P4HA1: variants seen among roughly 807,000 people sequenced by gnomAD.
The protein encoded by P4HA1 is prolyl 4-hydroxylase subunit alpha-1.
A neutral mutation model predicts 72.8 loss-of-function variants in P4HA1; 24 were observed. The observed-to-expected ratio is 0.33, with a 90% CI of 0.24 to 0.46. The LOEUF (loss-of-function observed/expected upper bound fraction) is 0.46. Among genes scored for constraint, P4HA1 ranks in the 20% least tolerant of loss-of-function variants. P4HA1 has a pLI of 1.00. For synonymous variants in P4HA1, 201 were observed against 218.8 expected, an observed-to-expected ratio of 0.92 and a Z score of 0.72; for missense variants, 446 against 640.6, an observed-to-expected ratio of 0.70 and a Z score of 3.28.
At chr10:73,043,689 G>A (rs11000497) in intron 9 of P4HA1, among the ~76,000 whole-genome samples, 1,589 of 152,212 alleles carry the variant, frequency 0.01, 26 homozygotes, top group African/African-American at 0.033. Context: ...GTAAGTTAAT[G>A]TTACTTTGGA....
At chr10:73,091,714 C>CAAAG (rs1473434773) in intron 1 of P4HA1, among the ~76,000 whole-genome samples, 1 of 152,078 alleles carries the variant, frequency 6.6e-6, no homozygotes, top group Non-Finnish European at 1.5e-5. Flanking sequence ...TTCCAAAAAT[C>CAAAG]AAAGAGCTTT....
intron 10 of P4HA1, among the ~76,000 whole-genome samples, chr10:73,017,176 TATAG>T (rs1840025878): frequency 1.4e-5 from 2 of 142,524 alleles, no homozygotes; most frequent in Non-Finnish European, 3.0e-5. Flanking sequence ...CAGATGTATA[TATAG>T]ATATCTATAT....
At chr10:73,079,481 C>T (rs750937187) in intron 1 of P4HA1, among the ~76,000 whole-genome samples, 7 of 152,170 alleles carry the variant, frequency 4.6e-5, no homozygotes, top group Non-Finnish European at 8.8e-5. Flanking sequence ...GTGGCTCACG[C>T]CTGTAATCCC....
chr10:73,052,409 C>T (rs996269117), intron 6 of P4HA1, among the ~76,000 whole-genome samples: 10 of 152,082 alleles, frequency 6.6e-5, no homozygotes, highest in African/African-American at 1.9e-4. Flanking sequence ...AGGGAAGAGG[C>T]GTATACACTA....
chr10:73,041,547 C>CAAAA lies in P4HA1; in HGVS notation c.1148+3433_1148+3434insTTTT, dbSNP rs1330460920. ...GACAGAGCAAGACTCCATCCCCCCC[C>CAAAA]CAAAAAAAAAAAAAAAGAATTCTCT... is the stretch of plus-strand genomic sequence containing the variant. On this transcript the variant is annotated intron_variant, in intron 9 of 14. Transcript: ENST00000394890. 5.3e-3 allele frequency among the ~76,000 whole-genome samples: 776 copies of CAAAA among 146,674 alleles called. 11 individuals are homozygous for CAAAA. Among genetic ancestry groups the CAAAA allele is most frequent in the Middle Eastern group, 0.014 (4 of 290 alleles).
chr10:73,063,381 C>T (rs1354656326), intron 5 of P4HA1, among the ~76,000 whole-genome samples: 2 of 152,144 alleles, frequency 1.3e-5, no homozygotes, highest in Non-Finnish European at 2.9e-5. Flanking sequence ...TCATAAGGGC[C>T]TTAAATCCCA....
At chr10:73,058,403 G>T (rs185534935) in intron 5 of P4HA1, among the ~76,000 whole-genome samples, 1 of 152,220 alleles carries the variant, frequency 6.6e-6, no homozygotes, top group Non-Finnish European at 1.5e-5. Flanking sequence ...TGCCTTTAGA[G>T]CAAAGCAACC....
rs1024901600 is a variant in P4HA1 at position 73,072,283 on chromosome 10, A to C, written c.174-103T>G. On this transcript the variant is annotated intron_variant, in intron 3 of 14. Transcript: ENST00000394890. ...AAATGACTAGAAGTTTTTGAGTTCA[A>C]CTATATCTGTAGTTTCTTTTTAAAG... 3.5e-6 allele frequency: 3 copies of C among 858,306 alleles called. No individual in the cohort carries two copies. The African/African-American group carries it at 5.1e-5, about 15-fold the overall frequency. 53.2% of individuals were successfully genotyped at this position (858,306 alleles called of 1,614,324 possible).
At chr10:73,012,315 T>C (rs1839923591) in intron 12 of P4HA1, among the ~76,000 whole-genome samples, 2 of 152,172 alleles carry the variant, frequency 1.3e-5, no homozygotes, top group African/African-American at 4.8e-5. Flanking sequence ...AAGTGAAATA[T>C]ACATAGATCA....
At chr10:73,031,507 T>C (rs1242856798) in intron 9 of P4HA1, among the ~76,000 whole-genome samples, 1 of 152,114 alleles carries the variant, frequency 6.6e-6, no homozygotes, top group East Asian at 1.9e-4. Flanking sequence ...ACAACATGGA[T>C]GGAACATCAT....
intron 10 of P4HA1, among the ~76,000 whole-genome samples, chr10:73,026,976 A>G (rs1172859162): frequency 6.6e-6 from 1 of 152,204 alleles, no homozygotes; most frequent in Non-Finnish European, 1.5e-5. Flanking sequence ...GTGGAGAAAT[A>G]GGAATGCTTT....
At position 73,051,130 on chromosome 10, in the gene P4HA1, T is replaced by C. The variant is rs199578864; in HGVS notation, c.823A>G (p.Lys275Glu). 56 of 1,613,912 alleles carry C rather than the reference T, an allele frequency of 3.5e-5. No individual in the cohort carries two copies. Among genetic ancestry groups the C allele is most frequent in the Admixed American group, 6.7e-5 (4 of 59,990 alleles). The change falls in exon 7 of 15, where the codon AAA (lysine) becomes GAA (glutamate). Residue 275 changes from lysine to glutamate, a missense_variant. Coordinates refer to ENST00000394890, the MANE Select transcript of P4HA1 (RefSeq NM_001017962.3). ...DQSDQKTTPK[K>E]KGVAVDYLPE... ...AGGTAATCCACAGCAACCCCTTTTT[T>C]CTTTGGTGTAGTTTTCTGATCAGAT...
intron 14 of P4HA1, 81 bp downstream of exon 14, chr10:73,009,726 T>A: frequency 2.6e-6 from 2 of 773,798 alleles, no homozygotes; most frequent in Non-Finnish European, 4.4e-6. Flanking sequence ...CATGGGGGCT[T>A]TTGTTTTTAA....
chr10:73,048,149 T>C (rs940766639), intron 7 of P4HA1, among the ~76,000 whole-genome samples: 1 of 152,190 alleles, frequency 6.6e-6, no homozygotes, highest in African/African-American at 2.4e-5. Context: ...AAACAAATAA[T>C]GATTCATGTT....
At chr10:73,021,419 G>C (rs1438056668) in intron 10 of P4HA1, among the ~76,000 whole-genome samples, 1 of 152,162 alleles carries the variant, frequency 6.6e-6, no homozygotes, top group African/African-American at 2.4e-5. Context: ...ATCAACCTAA[G>C]TGTCCATCAA....
intron 9 of P4HA1, among the ~76,000 whole-genome samples, chr10:73,034,320 A>ATTATT (rs111560575): frequency 0.16 from 24,096 of 152,028 alleles, 3,154 homozygotes; most frequent in African/African-American, 0.34. Context: ...TACCATTTTA[A>ATTATT]TTAAGTGTAC....
At chr10:73,071,950 G>A in intron 4 of P4HA1, 79 bp downstream of exon 4, 3 of 1,196,160 alleles carry the variant, frequency 2.5e-6, no homozygotes, top group African/African-American at 1.5e-5. Context: ...GGTTTCCTGG[G>A]AACTGAATTT....
chr10:73,008,452 G>A (rs546093453), intron 14 of P4HA1, among the ~76,000 whole-genome samples, 160 bp from the exon 15 acceptor site: 2 of 152,272 alleles, frequency 1.3e-5, no homozygotes, highest in African/African-American at 4.8e-5. Flanking sequence ...GCTAAATGCT[G>A]AAAACACAGA....
chr10:73,095,570 G>T (rs1167749404), intron 1 of P4HA1, among the ~76,000 whole-genome samples: 2 of 150,284 alleles, frequency 1.3e-5, no homozygotes, highest in East Asian at 3.9e-4. Context: ...GAACGCTGCT[G>T]CCACGTCTTT....
Sources: gnomAD v4.1 joint callset for allele counts (sites outside exome capture counted in the v4.1 genomes callset) on GRCh38, gnomAD v4.1.1 for gene constraint, MANE v1.5 for transcripts, NCBI Gene and HGNC (gene_info 2026-07-23, HGNC 2026-07-21) for gene names.